Variants in CCDC18 observed in about 807,000 individuals in gnomAD.
CCDC18 encodes the protein coiled-coil domain containing 18.
CCDC18 carries 157 observed loss-of-function variants against 196.0 expected under a neutral mutation model. The observed-to-expected ratio is 0.80, with a 90% CI of 0.70 to 0.91. The LOEUF (loss-of-function observed/expected upper bound fraction) is 0.91, where lower values mean the gene tolerates loss of function less well. CCDC18 is among the 40% of genes least tolerant of loss of function. CCDC18 has a pLI of 0.00. For synonymous variants in CCDC18, 482 were observed against 529.2 expected, an observed-to-expected ratio of 0.91 and a Z score of 1.22; for missense variants, 1,465 against 1,611.6, an observed-to-expected ratio of 0.91 and a Z score of 1.56.
chr1:93,215,259 G>A (rs138987171), intron 12 of CCDC18, among the ~76,000 whole-genome samples: 1,823 of 152,018 alleles, frequency 0.012, 10 homozygotes, highest in Non-Finnish European at 0.018. Flanking sequence ...AAGTTAATAT[G>A]GTTAATATAC....
chr1:93,239,262 G>C, intron 19 of CCDC18, 48 bp from the exon 20 acceptor site: 2 of 1,378,072 alleles, frequency 1.5e-6, no homozygotes, highest in Non-Finnish European at 1.9e-6. Flanking sequence ...AGACAAGTTA[G>C]TTGGTTAAGT....
At chr1:93,189,687 A>G (rs1470442325) in intron 4 of CCDC18, among the ~76,000 whole-genome samples, 1 of 151,950 alleles carries the variant, frequency 6.6e-6, no homozygotes, top group Non-Finnish European at 1.5e-5. Context: ...TTTTGAGACA[A>G]GGTCTTGCTC....
Position 93,184,006 on chromosome 1 carries a change from G to T in CCDC18, c.163G>T (p.Ala55Ser). The change falls in exon 3 of 29, where the codon GCC becomes TCC. Residue 55 changes from alanine (A) to serine (S), a missense_variant. Coordinates refer to ENST00000690025, the MANE Select transcript of CCDC18 (RefSeq NM_001378204.1). ...TAGTCCAAGTGAAAATTCTGATTAT[G>T]CCCCTAATCCTTCAAGGTCTGAAAA... ...SVSPSENSDY[A>S]PNPSRSEKLI... The T allele has an allele frequency of 6.4e-7, 1 of 1,553,032 alleles. No individual in the cohort carries two copies. The highest frequency in any genetic ancestry group is 1.3e-5 in the South Asian group (1 of 79,748).
chr1:93,234,556 C>A lies in CCDC18; in HGVS notation c.2461-1692C>A, dbSNP rs369120042. Among the ~76,000 whole-genome samples the A allele has an allele frequency of 2.0e-5, 3 of 152,282 alleles. No homozygotes were observed. In the East Asian group the frequency reaches 5.8e-4, roughly 29 times the overall value. On this transcript the variant is annotated intron_variant, in intron 18 of 28. Coordinates refer to ENST00000690025, the MANE Select transcript of CCDC18 (RefSeq NM_001378204.1). ...CACTGAGGTCTACAGAAGTTTATAT[C>A]TAAAAATTTCTTCAGTATTTGGAGT...
At chr1:93,242,368 C>T (rs181028591) in intron 21 of CCDC18, among the ~76,000 whole-genome samples, 3 of 152,208 alleles carry the variant, frequency 2.0e-5, no homozygotes, top group East Asian at 3.9e-4. Flanking sequence ...TTTATAAAAC[C>T]ATCAGATCTC....
intron 12 of CCDC18, among the ~76,000 whole-genome samples, chr1:93,216,045 T>A (rs1179280264): frequency 6.6e-6 from 1 of 152,228 alleles, no homozygotes; most frequent in Non-Finnish European, 1.5e-5. Context: ...CAGCTTAAAG[T>A]CTATAGCCAA....
At chr1:93,180,677 G>A, upstream of CCDC18, 1 of 1,336,534 alleles carries the variant, frequency 7.5e-7, no homozygotes, top group Non-Finnish European at 9.9e-7. Flanking sequence ...AGTCTGCGCC[G>A]GGGCGGGGCA....
intron 13 of CCDC18, 87 bp from the exon 14 acceptor site, chr1:93,217,651 C>A: frequency 9.1e-7 from 1 of 1,095,602 alleles, no homozygotes; most frequent in Non-Finnish European, 1.3e-6. Context: ...GTTTCCCAGG[C>A]TAGTCTTGAA....
intron 4 of CCDC18, chr1:93,190,738 A>G (rs1651613331): frequency 1.8e-6 from 1 of 548,138 alleles, no homozygotes; most frequent in African/African-American, 1.9e-5. Flanking sequence ...AAAAGATAAC[A>G]CTTAGAACTG....
At position 93,207,242 on chromosome 1, in the gene CCDC18, C is replaced by T. The variant is rs200869845; in HGVS notation, c.1053C>T (p.Asp351=). The stretch of plus-strand genomic sequence containing the variant: ...TAGAGAGTGAGTTAGAGAACAAAGA[C>T]GAAATACTTAGAGACAAATTTTCTT... ...LKLESELENK[D]EILRDKFSLM... Residue 351 remains aspartate, a synonymous_variant, in exon 9 of 29, where the codon GAC becomes GAT. Coordinates refer to ENST00000690025, the MANE Select transcript of CCDC18 (RefSeq NM_001378204.1). 3.9e-5 allele frequency: 63 copies of T among 1,613,134 alleles called. No individual in the cohort carries two copies. In the East Asian group the frequency reaches 4.9e-4, roughly 13 times the overall value.
At chr1:93,230,123 T>G (rs960559068) in intron 17 of CCDC18, among the ~76,000 whole-genome samples, 5 of 151,938 alleles carry the variant, frequency 3.3e-5, no homozygotes, top group African/African-American at 1.2e-4. Flanking sequence ...ACTTCAATTA[T>G]AAAATATTAA....
At chr1:93,260,504 A>AT (rs1663633240) in intron 26 of CCDC18, among the ~76,000 whole-genome samples, 1 of 152,208 alleles carries the variant, frequency 6.6e-6, no homozygotes, top group Non-Finnish European at 1.5e-5. Context: ...AGTTGATAAA[A>AT]ATTTACTTTT....
Position 93,193,656 on chromosome 1 carries a change from A to G in CCDC18, c.610A>G (p.Ile204Val). The change falls in exon 6 of 29, where the codon ATT (isoleucine) becomes GTT (valine). Residue 204 changes from isoleucine (I) to valine (V), a missense_variant. Ile to Val is a conservative substitution (Grantham distance 29). Transcript: ENST00000690025. ...GCTGGAACAGAGCCAGAAAATGGTA[A>G]TTGAAAAGGAACAGAGTTTGCAGGA... ...NKLEQSQKMV[I>V]EKEQSLQESK... The G allele has an allele frequency of 1.3e-6, 2 of 1,594,462 alleles. No homozygotes were observed. The highest frequency in any genetic ancestry group is 2.3e-5 in the East Asian group (1 of 43,358).
At position 93,232,597 on chromosome 1, in the gene CCDC18, T is replaced by C. The variant is rs1659408553; in HGVS notation, c.2460+4T>C. The C allele has an allele frequency of 6.4e-7, 1 of 1,559,078 alleles. No individual in the cohort carries two copies. Among genetic ancestry groups the C allele is most frequent in the Non-Finnish European group, 8.7e-7 (1 of 1,143,372 alleles). On this transcript the variant is annotated splice_donor_region_variant and intron_variant, in intron 18 of 28. Coordinates refer to ENST00000690025, the MANE Select transcript of CCDC18 (RefSeq NM_001378204.1). ...TCAAACTAAACTTGAAAAACAGGTA[T>C]ATATTATTAGCCCAAGATTGTTTTA...
intron 12 of CCDC18, among the ~76,000 whole-genome samples, chr1:93,215,998 G>A (rs1444327494): frequency 6.6e-6 from 1 of 152,224 alleles, no homozygotes; most frequent in Non-Finnish European, 1.5e-5. Flanking sequence ...AGAGGCTGCA[G>A]TCATCTATAG....
intron 6 of CCDC18, among the ~76,000 whole-genome samples, chr1:93,197,852 T>A (rs563154377): frequency 2.7e-5 from 4 of 147,058 alleles, no homozygotes; most frequent in Non-Finnish European, 4.5e-5. Flanking sequence ...CCTGGGTTCA[T>A]GCCATTCTCT....
At chr1:93,263,449 T>G (rs910294913) in intron 26 of CCDC18, among the ~76,000 whole-genome samples, 4 of 152,144 alleles carry the variant, frequency 2.6e-5, no homozygotes, top group African/African-American at 9.7e-5. Context: ...CCTTAAAAAT[T>G]TCTTCTCTCA....
intron 22 of CCDC18, 91 bp downstream of exon 22, chr1:93,246,295 G>C (rs1304960649): frequency 1.4e-6 from 1 of 736,996 alleles, no homozygotes; most frequent in Non-Finnish European, 2.2e-6. Context: ...TGTAAAATGG[G>C]CATTTTTATA....
chr1:93,205,336 G>C (rs1309715457), intron 7 of CCDC18, among the ~76,000 whole-genome samples, 174 bp from the exon 8 acceptor site: 1 of 152,082 alleles, frequency 6.6e-6, no homozygotes, highest in Admixed American at 6.6e-5. Flanking sequence ...TCTGTCCTTT[G>C]CTACTGCCCA....
Sources: gnomAD v4.1 joint callset for allele counts (sites outside exome capture counted in the v4.1 genomes callset) on GRCh38, gnomAD v4.1.1 for gene constraint, MANE v1.5 for transcripts, NCBI Gene and HGNC (gene_info 2026-07-23, HGNC 2026-07-21) for gene names.